Variants in UBE2U observed in about 807,000 individuals in gnomAD.
UBE2U encodes ubiquitin conjugating enzyme E2 U.
Under a neutral mutation model 41.2 loss-of-function variants are expected in UBE2U, and 39 were observed. The observed-to-expected ratio is 0.95, with a 90% CI of 0.73 to 1.24. The LOEUF (loss-of-function observed/expected upper bound fraction) is 1.24, where lower values mean the gene tolerates loss of function less well. Among genes scored for constraint, UBE2U ranks in the 50% most tolerant of loss-of-function variants. The probability of loss-of-function intolerance (pLI) is 0.00; values close to 1 mark genes in which losing one functional copy is unlikely to be tolerated. For missense variants in UBE2U, 336 were observed against 363.1 expected (o/e 0.93, Z 0.61); for synonymous variants, 107 against 117.8 (o/e 0.91, Z 0.60).
chr1:64,260,705 T>C lies in UBE2U; in HGVS notation c.769+11T>C, dbSNP rs1208519530. On this transcript the variant is annotated intron_variant, in intron 9 of 9. Transcript: ENST00000371077. ...TCTGCCCAACTCTAAGTAAATCGAT[T>C]CACTCTATTTGTTTTGCTTTTATAA... is the stretch of plus-strand genomic sequence containing the variant. The C allele has an allele frequency of 6.5e-6, 10 of 1,542,990 alleles. No homozygotes were observed. The highest frequency in any genetic ancestry group is 6.1e-6 in the Non-Finnish European group (7 of 1,142,258).
chr1:64,207,274 C>T (rs1326617037), intron 3 of UBE2U, among the ~76,000 whole-genome samples: 1 of 152,078 alleles, frequency 6.6e-6, no homozygotes, highest in East Asian at 1.9e-4. Context: ...CCTCAGCCTC[C>T]CCAGTAGCTG....
intron 8 of UBE2U, among the ~76,000 whole-genome samples, chr1:64,247,762 G>T (rs1008265486): frequency 1.3e-5 from 2 of 151,994 alleles, no homozygotes; most frequent in East Asian, 3.9e-4. Context: ...TAAGTGGGAG[G>T]CTGAGGTGAG....
chr1:64,223,900 C>T lies in UBE2U; in HGVS notation c.506+2993C>T, dbSNP rs112074669. 1.6e-3 allele frequency among the ~76,000 whole-genome samples: 248 copies of T among 152,254 alleles called. 2 individuals carry two copies. Among genetic ancestry groups the T allele is most frequent in the African/African-American group, 5.7e-3 (236 of 41,534 alleles). Reference sequence around the variant, plus strand: ...GAGCTACAGCAGGACATCTTTCCAACAGCCTGACACAGGGGAATGCATTTT... The same window carrying T: ...GAGCTACAGCAGGACATCTTTCCAATAGCCTGACACAGGGGAATGCATTTT... On this transcript the variant is annotated intron_variant, in intron 6 of 9. Transcript: ENST00000371077.
chr1:64,221,598 A>G (rs1177223284), intron 6 of UBE2U, among the ~76,000 whole-genome samples: 2 of 152,202 alleles, frequency 1.3e-5, no homozygotes, highest in Non-Finnish European at 2.9e-5. Context: ...GCATCAGTTC[A>G]TCTTGAACAC....
In UBE2U at chr1:64,220,983, A is replaced by G. The variant is rs1257336781; in HGVS notation, c.506+76A>G. 5 of 967,218 alleles carry G rather than the reference A, an allele frequency of 5.2e-6. No individual in the cohort carries two copies. The Admixed American group carries it at 1.0e-4, about 20-fold the overall frequency. 59.9% of individuals were successfully genotyped at this position (967,218 alleles called of 1,614,324 possible). A position where few individuals can be genotyped will look rare whatever the true frequency, so the allele number is the denominator to read the frequency against. On this transcript the variant is annotated intron_variant, in intron 6 of 9. Coordinates refer to ENST00000371077, the MANE Select transcript of UBE2U (RefSeq NM_001366232.2). ...TTTATTTAAACTCTTTATGTTTTTC[A>G]TCATAATTAAATGTTTGTTTTTAAT...
At chr1:64,235,133 C>T (rs961033025) in intron 7 of UBE2U, among the ~76,000 whole-genome samples, 5 of 152,234 alleles carry the variant, frequency 3.3e-5, no homozygotes, top group Non-Finnish European at 4.4e-5. Flanking sequence ...TAAGGCACCA[C>T]TGACCACAGT....
At chr1:64,243,936 AT>A (rs901477508) in intron 8 of UBE2U, among the ~76,000 whole-genome samples, 1 of 151,946 alleles carries the variant, frequency 6.6e-6, no homozygotes, top group Non-Finnish European at 1.5e-5. Context: ...AAGGTCACTG[AT>A]TTTTTTTGTG....
At chr1:64,265,413 G>C (rs1270606407) in intron 9 of UBE2U, among the ~76,000 whole-genome samples, 1 of 152,138 alleles carries the variant, frequency 6.6e-6, no homozygotes, top group African/African-American at 2.4e-5. Context: ...TATGTTCATG[G>C]AAAATAAATA....
rs1004192815 is a variant in UBE2U, at chr1:64,250,567, A to G, written c.677+8834A>G. 1.1e-4 allele frequency among the ~76,000 whole-genome samples: 17 copies of G among 152,214 alleles called. 1 individual carries two copies. Among genetic ancestry groups the G allele is most frequent in the Admixed American group, 9.2e-4 (14 of 15,272 alleles). On this transcript the variant is annotated intron_variant, in intron 8 of 9. Coordinates refer to ENST00000371077, the MANE Select transcript of UBE2U (RefSeq NM_001366232.2). ...GCCCAGCCATCCCATTACCGGGTAT[A>G]TACCCAAAGGATTATAAATCATGCT...
rs1645222242 is a variant in UBE2U, at chr1:64,264,341, A to G, written c.770-2683A>G. Among the ~76,000 whole-genome samples, 6 of 152,242 alleles carry G rather than the reference A, an allele frequency of 3.9e-5. No homozygotes were observed. The South Asian group carries it at 1.2e-3, about 32-fold the overall frequency. ...CCATAACTTATTTTGTTAACATAGT[A>G]ACAAAATCCCCACCTTTATTACTGA... On this transcript the variant is annotated intron_variant, in intron 9 of 9. Transcript: ENST00000371077.
At chr1:64,239,144 GAAGAAGAAGA>G (rs1644761977) in intron 7 of UBE2U, among the ~76,000 whole-genome samples, 1 of 27,824 alleles carries the variant, frequency 3.6e-5, no homozygotes, top group South Asian at 2.3e-3. Context: ...AGAAGAAGAA[GAAGAAGAAGA>G]AGAAAGAAGA....
intron 7 of UBE2U, among the ~76,000 whole-genome samples, chr1:64,239,084 G>GAATA (rs1557729519): frequency 1.7e-5 from 1 of 58,810 alleles, no homozygotes; most frequent in African/African-American, 7.2e-5. Flanking sequence ...GGAAGAGGAA[G>GAATA]AGGAAGAGGA....
In UBE2U at chr1:64,219,696, C is replaced by T. The variant is rs189182210; in HGVS notation, c.458-1163C>T. Among the ~76,000 whole-genome samples, 990 of 151,812 alleles carry T rather than the reference C, an allele frequency of 6.5e-3. 29 individuals are homozygous for T. The highest frequency in any genetic ancestry group is 0.046 in the Admixed American group (707 of 15,246). On this transcript the variant is annotated intron_variant, in intron 5 of 9. Transcript: ENST00000371077. ...CTGCAAGCTCCACCTCCTGGGTTCA[C>T]GCCATTCTCCTGCCTCAGCCTCCCA...
At chr1:64,239,065 AGAGGAAGAGGAAGAGGAAGAG>A (rs1644729771) in intron 7 of UBE2U, among the ~76,000 whole-genome samples, 1 of 67,454 alleles carries the variant, frequency 1.5e-5, no homozygotes, top group Non-Finnish European at 2.9e-5. Context: ...AAGAAGAAGA[AGAGGAAGAGGAAGAGGAAGAG>A]GAAGAGGAAG....
intron 9 of UBE2U, among the ~76,000 whole-genome samples, chr1:64,263,299 G>A (rs1645207310): frequency 6.6e-6 from 1 of 152,158 alleles, no homozygotes; most frequent in Admixed American, 6.5e-5. Context: ...TTTTCCCTGT[G>A]ACCTGTTTTC....
intron 6 of UBE2U, among the ~76,000 whole-genome samples, chr1:64,226,176 A>T (rs1004412508): frequency 7.9e-5 from 12 of 152,238 alleles, no homozygotes; most frequent in African/African-American, 2.9e-4. Context: ...GAATACTATC[A>T]GCAAATAAAA....
chr1:64,232,888 T>A (rs1644596135), intron 7 of UBE2U, among the ~76,000 whole-genome samples: 1 of 152,182 alleles, frequency 6.6e-6, no homozygotes, highest in Admixed American at 6.5e-5. Context: ...TGGAGTGCAG[T>A]GGCACAATAA....
chr1:64,245,396 T>G (rs565542098), intron 8 of UBE2U, among the ~76,000 whole-genome samples: 2 of 152,358 alleles, frequency 1.3e-5, no homozygotes, highest in Non-Finnish European at 2.9e-5. Flanking sequence ...TGTGCCATAC[T>G]CTAGCTAATG....
intron 6 of UBE2U, among the ~76,000 whole-genome samples, chr1:64,232,355 T>C (rs1037419394): frequency 6.6e-6 from 1 of 152,206 alleles, no homozygotes; most frequent in Admixed American, 6.5e-5. Context: ...GAAATATGAT[T>C]TGAACATTTT....
Sources: allele counts gnomAD v4.1 joint callset (sites outside exome capture counted in the v4.1 genomes callset), GRCh38; gene constraint gnomAD v4.1.1; transcripts MANE v1.5; gene names NCBI Gene and HGNC (gene_info 2026-07-23, HGNC 2026-07-21).